Variants in MYOM1 observed in about 807,000 individuals in gnomAD.
The protein encoded by MYOM1 is myomesin 1.
A neutral mutation model predicts 205.3 loss-of-function variants in MYOM1; 164 were observed. The ratio of observed to expected loss-of-function variants is 0.80; its 90% CI spans 0.70 to 0.91. MYOM1 has a LOEUF of 0.91. MYOM1 is among the 40% of genes least tolerant of loss of function. The pLI, the probability that MYOM1 is intolerant of heterozygous loss-of-function variation, is 0.00. For synonymous variants in MYOM1, 772 were observed against 789.4 expected (o/e 0.98, Z 0.37); for missense variants, 2,011 against 2,127.3 (o/e 0.95, Z 1.08).
intron 12 of MYOM1, among the ~76,000 whole-genome samples, chr18:3,151,466 A>G (rs1365529871): frequency 1.6e-5 from 2 of 127,468 alleles, no homozygotes; most frequent in Non-Finnish European, 3.4e-5. Flanking sequence ...AATAAAATAA[A>G]ATAAAATAAA....
At chr18:3,075,509 G>T in intron 35 of MYOM1, 33 bp from the exon 36 acceptor site, 1 of 1,609,628 alleles carries the variant, frequency 6.2e-7, no homozygotes, top group Non-Finnish European at 8.5e-7. Flanking sequence ...AACAGACGAA[G>T]AATTTTGTGT....
chr18:3,140,218 C>T (rs2080028169), intron 14 of MYOM1, among the ~76,000 whole-genome samples: 1 of 151,998 alleles, frequency 6.6e-6, no homozygotes, highest in African/African-American at 2.4e-5. Context: ...ATCACCCTGG[C>T]TAACATGGTG....
chr18:3,173,553 G>T (rs1386921826), intron 8 of MYOM1, among the ~76,000 whole-genome samples: 3 of 150,504 alleles, frequency 2.0e-5, no homozygotes, highest in African/African-American at 7.4e-5. Flanking sequence ...GAGAAAGAGC[G>T]CTTTGATATA....
intron 34 of MYOM1, among the ~76,000 whole-genome samples, chr18:3,077,823 C>A (rs900741268): frequency 1.3e-5 from 2 of 152,166 alleles, no homozygotes; most frequent in Non-Finnish European, 2.9e-5. Flanking sequence ...ACTTGTGATG[C>A]AGGCAAAGTG....
intron 2 of MYOM1, among the ~76,000 whole-genome samples, chr18:3,197,654 A>G (rs573043073): frequency 6.6e-6 from 1 of 152,042 alleles, no homozygotes; most frequent in African/African-American, 2.4e-5. Context: ...CGGGCGGATC[A>G]CGAGGTCAGG....
intron 13 of MYOM1, among the ~76,000 whole-genome samples, chr18:3,147,115 T>C (rs958721743): frequency 5.0e-5 from 7 of 140,322 alleles, no homozygotes; most frequent in Non-Finnish European, 7.9e-5. Context: ...TATATATTTA[T>C]ATATAAATAT....
At position 3,186,818 on chromosome 18, in the gene MYOM1, AAGAAAGAG is replaced by A. The variant is rs201883971; in HGVS notation, c.929+654_929+661del. ...AGAAAGAAAGAGAAAGAAAGAAAGA[AAGAAAGAG>A]AAAGAAAGAAGAGAAAAGAAAGAAA... On this transcript the variant is annotated intron_variant, in intron 5 of 37. Transcript: ENST00000356443. 7.3e-3 allele frequency among the ~76,000 whole-genome samples: 1,095 copies of A among 150,406 alleles called. 15 individuals are homozygous for A. Among genetic ancestry groups the A allele is most frequent in the African/African-American group, 0.025 (1,010 of 40,438 alleles).
intron 22 of MYOM1, among the ~76,000 whole-genome samples, chr18:3,107,793 C>T (rs1466169755): frequency 2.0e-5 from 3 of 152,172 alleles, no homozygotes; most frequent in Admixed American, 2.0e-4. Flanking sequence ...TGAGCACAGG[C>T]TAAGCTAACT....
intron 25 of MYOM1, among the ~76,000 whole-genome samples, chr18:3,099,474 A>T (rs2143749704): frequency 6.6e-6 from 1 of 152,288 alleles, no homozygotes; most frequent in South Asian, 2.1e-4. Flanking sequence ...TGTTTTCTCA[A>T]ACTCCAGGGT....
rs1060502820 is a variant in MYOM1 at position 3,079,331 on chromosome 18, A to G, written c.4496T>C (p.Ile1499Thr). ...KVNWSHNGSA[I>T]RYSDRVKTGV... ...GGTCTTAACTCTGTCTGAGTACCTA[A>G]TGGCGGACCCACTGTGAAAATCGAA... Residue 1499 changes from isoleucine (I) to threonine (T), a missense_variant, in exon 34 of 38, where the codon ATT (isoleucine) becomes ACT (threonine). By Grantham distance (89) the Ile-to-Thr change is moderately conservative (BLOSUM62 -1). Transcript: ENST00000356443. The G allele has an allele frequency of 1.2e-6, 2 of 1,609,618 alleles. No individual in the cohort carries two copies. Among genetic ancestry groups the G allele is most frequent in the African/African-American group, 1.3e-5 (1 of 74,792 alleles).
At chr18:3,211,698 T>C (rs2081192258) in intron 2 of MYOM1, among the ~76,000 whole-genome samples, 1 of 152,214 alleles carries the variant, frequency 6.6e-6, no homozygotes, top group Non-Finnish European at 1.5e-5. Flanking sequence ...GAATTTACTT[T>C]ATAGCTCGTG....
Position 3,135,603 on chromosome 18 carries a change from G to A in MYOM1, c.2153C>T (p.Ala718Val), listed in dbSNP as rs2079945076. 1 of 1,613,856 alleles carries A rather than the reference G, an allele frequency of 6.2e-7. No individual in the cohort carries two copies. Among genetic ancestry groups the A allele is most frequent in the Non-Finnish European group, 8.5e-7 (1 of 1,179,864 alleles). Residue 718 changes from alanine to valine, a missense_variant, in exon 15 of 38, where the codon GCA (alanine) becomes GTA (valine). Transcript: ENST00000356443. The surrounding 1 kb of genome is among the most constrained non-coding windows in gnomAD (Gnocchi z 4.1). ...TGCCTCTGAGGGCTCACCAACTCCT[G>A]CAGAATTAGAACAGCGGACACGGAA... ...YCFRVRCSNSAGVGEPSEATE... is the reference protein window; with the variant it reads ...YCFRVRCSNSVGVGEPSEATE...
Position 3,071,559 on chromosome 18 carries a change from A to G in MYOM1, c.4764+275T>C, listed in dbSNP as rs189090089. ...TTTTTAATAGAGACGGGGTTTCACC[A>G]TGTTGGCCAGGCTGGTCTTGAACTG... On this transcript the variant is annotated intron_variant, in intron 37 of 37. Coordinates refer to ENST00000356443, the MANE Select transcript of MYOM1 (RefSeq NM_003803.4). Among the ~76,000 whole-genome samples the G allele has an allele frequency of 1.4e-3, 214 of 152,084 alleles. 1 individual carries two copies. The highest frequency in any genetic ancestry group is 4.7e-3 in the African/African-American group (196 of 41,498).
intron 19 of MYOM1, among the ~76,000 whole-genome samples, chr18:3,120,625 A>T (rs1163663227): frequency 6.6e-6 from 1 of 152,200 alleles, no homozygotes; most frequent in Admixed American, 6.5e-5. Flanking sequence ...CCCTGACTCA[A>T]GGACACCGTG....
chr18:3,136,961 T>A (rs935811825), intron 14 of MYOM1, among the ~76,000 whole-genome samples: 1 of 151,734 alleles, frequency 6.6e-6, no homozygotes, highest in South Asian at 2.1e-4. Context: ...TTTTCTTTTT[T>A]TTTTTTTGAG....
chr18:3,104,745 CTTT>C (rs745369627), intron 22 of MYOM1, among the ~76,000 whole-genome samples: 1 of 80,582 alleles, frequency 1.2e-5, no homozygotes, highest in African/African-American at 5.1e-5. Context: ...GAATTGGAAT[CTTT>C]TTTTTTTTTT....
chr18:3,156,561 G>C (rs573022409), intron 10 of MYOM1, among the ~76,000 whole-genome samples: 3 of 151,824 alleles, frequency 2.0e-5, no homozygotes. Flanking sequence ...GAATCTCTGC[G>C]TGCCACTCAG....
the MYOM1 span, among the ~76,000 whole-genome samples, chr18:3,234,319 G>A: frequency 6.6e-6 from 1 of 152,194 alleles, no homozygotes; most frequent in African/African-American, 2.4e-5. Flanking sequence ...AAACAGTAGA[G>A]GAAAATCCCA....
rs2081240289 is a variant in MYOM1, at chr18:3,214,920, G to GCGTCCGACATACCCATGGGAGGAGC, written c.290+13_290+14insGCTCCTCCCATGGGTATGTCGGACG. 6.4e-7 allele frequency: 1 copy of GCGTCCGACATACCCATGGGAGGAGC among 1,561,418 alleles called. No homozygotes were observed. Among genetic ancestry groups the GCGTCCGACATACCCATGGGAGGAGC allele is most frequent in the Non-Finnish European group, 8.7e-7 (1 of 1,151,556 alleles). On this transcript the variant is annotated intron_variant, in intron 2 of 37. Coordinates refer to ENST00000356443, the MANE Select transcript of MYOM1 (RefSeq NM_003803.4). ...TCCTGAGGTTGGAAGGTTGGAGGAG[G>GCGTCCGACATACCCATGGGAGGAGC]GCGTCCGACATACCCATGGGAGGAG...
Sources: allele counts gnomAD v4.1 joint callset (sites outside exome capture counted in the v4.1 genomes callset), GRCh38; gene constraint gnomAD v4.1.1; non-coding constraint Gnocchi (gnomAD v3.1); transcripts MANE v1.5; gene names NCBI Gene and HGNC (gene_info 2026-07-23, HGNC 2026-07-21).